The following ALPK1 variants were observed in gnomAD, a reference collection of about 807,000 sequenced individuals.
ALPK1 encodes the protein alpha-protein kinase 1.
In ALPK1, 110 loss-of-function variants were observed where a neutral mutation model predicts 120.6. That is an observed-to-expected ratio of 0.91 (90% CI 0.78 to 1.07). The LOEUF is 1.07. ALPK1 is among the 50% of genes least tolerant of loss of function. The pLI, the probability that ALPK1 is intolerant of heterozygous loss-of-function variation, is 0.00. For missense variants in ALPK1, 1,498 were observed against 1,483.9 expected (o/e 1.01, Z -0.16); for synonymous variants, 582 against 560.3 (o/e 1.04, Z -0.55).
intron 4 of ALPK1, among the ~76,000 whole-genome samples, chr4:112,390,876 G>C (rs1732383666): frequency 6.6e-6 from 1 of 152,176 alleles, no homozygotes; most frequent in South Asian, 2.1e-4. Context: ...ATAAATTGGA[G>C]TGGGGAGATC....
chr4:112,411,813 C>T lies in ALPK1; in HGVS notation c.277-14C>T, dbSNP rs1285016553. On this transcript the variant is annotated splice_polypyrimidine_tract_variant and intron_variant, in intron 4 of 15. Coordinates refer to ENST00000650871, the MANE Select transcript of ALPK1 (RefSeq NM_025144.4). ...TTTCCGCCTGGCTCACGATGTTCCA[C>T]GCTGTTCCTCCAGGCGTCCCTGAGG... 24 of 1,601,710 alleles carry T rather than the reference C, an allele frequency of 1.5e-5. No individual in the cohort carries two copies. Among genetic ancestry groups the T allele is most frequent in the African/African-American group, 5.4e-5 (4 of 74,496 alleles).
In ALPK1 at chr4:112,430,546, G is replaced by A; in HGVS notation, c.999G>A (p.Glu333=). The A allele has an allele frequency of 6.2e-7, 1 of 1,614,172 alleles. No homozygotes were observed. ...TGTGTGAAGCCAAAGAGGCCTTTGA[G>A]ATTGGCCTCCTCACCAAGAGAGATG... ...LHLCEAKEAF[E]IGLLTKRDDE... The change falls in exon 11 of 16, where the codon GAG becomes GAA. Residue 333 remains glutamate, a synonymous_variant. Coordinates refer to ENST00000650871, the MANE Select transcript of ALPK1 (RefSeq NM_025144.4).
At chr4:112,374,553 G>T (rs1456104148) in intron 2 of ALPK1, among the ~76,000 whole-genome samples, 1 of 152,006 alleles carries the variant, frequency 6.6e-6, no homozygotes, top group African/African-American at 2.4e-5. Flanking sequence ...TTTTCAGAAG[G>T]TCCATTAGAA....
At chr4:112,398,083 A>T (rs142592842) in intron 4 of ALPK1, among the ~76,000 whole-genome samples, 2,290 of 152,254 alleles carry the variant, frequency 0.015, 24 homozygotes, top group Admixed American at 0.028. Flanking sequence ...AGGTGACTGG[A>T]GCCCAGATCT....
intron 5 of ALPK1, among the ~76,000 whole-genome samples, chr4:112,413,193 T>C (rs1489049961): frequency 6.6e-6 from 1 of 152,160 alleles, no homozygotes; most frequent in Non-Finnish European, 1.5e-5. Context: ...GCAATGATGT[T>C]TGAGCAGCGC....
At position 112,431,404 on chromosome 4, in the gene ALPK1, T is replaced by G. The variant is rs777976261; in HGVS notation, c.1857T>G (p.Thr619=). The G allele has an allele frequency of 2.5e-6, 4 of 1,614,198 alleles. No homozygotes were observed. The highest frequency in any genetic ancestry group is 3.4e-6 in the Non-Finnish European group (4 of 1,180,036). ...CTGGCAAAGAACATCTGGTGGACAC[T>G]CAGTGTTCCACTGCCTTGTCTGAGG... is the stretch of plus-strand genomic sequence containing the variant. ...KEPGKEHLVD[T]QCSTALSEEL... The change falls in exon 11 of 16, where the codon ACT becomes ACG. Residue 619 remains threonine, a synonymous_variant. Transcript: ENST00000650871.
intron 5 of ALPK1, among the ~76,000 whole-genome samples, chr4:112,413,569 C>T (rs1733593132): frequency 6.6e-6 from 1 of 152,166 alleles, no homozygotes; most frequent in Admixed American, 6.5e-5. Flanking sequence ...TAGGCATGCG[C>T]CACCACACCC....
chr4:112,307,510 C>CTTCT (rs760267455), intron 1 of ALPK1, among the ~76,000 whole-genome samples: 4 of 151,056 alleles, frequency 2.6e-5, no homozygotes, highest in East Asian at 2.0e-4. Flanking sequence ...ATGTAATGGC[C>CTTCT]TTGTCTCTTT....
intron 5 of ALPK1, among the ~76,000 whole-genome samples, chr4:112,421,427 C>T (rs1028649251): frequency 2.0e-5 from 3 of 152,148 alleles, no homozygotes; most frequent in Admixed American, 2.0e-4. Context: ...TGTTTTACAG[C>T]CACGCCCTTG....
At chr4:112,316,417 G>A (rs901090105) in intron 2 of ALPK1, 6 of 152,222 alleles carry the variant, frequency 3.9e-5, no homozygotes, top group Admixed American at 1.3e-4. Flanking sequence ...CCATTCATCC[G>A]TTCAGTGGAC....
intron 2 of ALPK1, among the ~76,000 whole-genome samples, chr4:112,365,707 C>T (rs989526770): frequency 3.3e-5 from 5 of 152,044 alleles, no homozygotes; most frequent in South Asian, 2.1e-4. Flanking sequence ...AAAAAACAAT[C>T]CTAAAATTCA....
Position 112,441,250 on chromosome 4 carries a change from C to T in ALPK1, c.*40C>T, listed in dbSNP as rs372676906. The T allele has an allele frequency of 5.7e-5, 77 of 1,342,296 alleles. No homozygotes were observed. The highest frequency in any genetic ancestry group is 7.5e-5 in the Non-Finnish European group (70 of 932,110). 83.1% of individuals were successfully genotyped at this position (1,342,296 alleles called of 1,614,324 possible). A position where few individuals can be genotyped will look rare whatever the true frequency, so the allele number is the denominator to read the frequency against. On this transcript the variant is annotated 3_prime_UTR_variant, in exon 16 of 16. Coordinates refer to ENST00000650871, the MANE Select transcript of ALPK1 (RefSeq NM_025144.4). ...TGGTCCTTTGGGGCTTGGGCAGGGC[C>T]GTGACACAGGTTCTGGCCAATGATT... is the stretch of plus-strand genomic sequence containing the variant.
intron 2 of ALPK1, among the ~76,000 whole-genome samples, chr4:112,342,145 A>C (rs1005382220): frequency 1.3e-5 from 2 of 152,234 alleles, no homozygotes; most frequent in African/African-American, 4.8e-5. Flanking sequence ...TTTATGGCTT[A>C]GACAGTAGGC....
chr4:112,357,736 T>A, intron 2 of ALPK1: 7 of 1,383,546 alleles, frequency 5.1e-6, no homozygotes, highest in Non-Finnish European at 7.2e-6. Context: ...GTGCTTGTCC[T>A]CTTTGGGGAA....
At chr4:112,385,343 A>G (rs967773896) in intron 4 of ALPK1, among the ~76,000 whole-genome samples, 2 of 152,168 alleles carry the variant, frequency 1.3e-5, no homozygotes, top group Admixed American at 6.5e-5. Context: ...AAATTTCACA[A>G]TTGGAGAAAT....
chr4:112,377,697 G>T lies in ALPK1; in HGVS notation c.-81G>T. ...CACCAGGTACTTCGGCCTTCAAGGG[G>T]CTCCTTTATTGAGAATCAATGTCTT... is the stretch of plus-strand genomic sequence containing the variant. On this transcript the variant is annotated 5_prime_UTR_variant, in exon 3 of 16. Coordinates refer to ENST00000650871, the MANE Select transcript of ALPK1 (RefSeq NM_025144.4). 1 of 1,355,336 alleles carries T rather than the reference G, an allele frequency of 7.4e-7. No homozygotes were observed. Among genetic ancestry groups the T allele is most frequent in the Non-Finnish European group, 9.7e-7 (1 of 1,026,082 alleles). The allele number at this position is 1,355,336 out of a possible 1,614,324, so 84.0% of individuals were successfully genotyped here.
chr4:112,440,901 T>G lies in ALPK1; in HGVS notation c.3539-16T>G, dbSNP rs1469359983. ...ACAGGGAATTTAATACTCAGGTGTG[T>G]TCATTTCTCTTTTAGGTTGGGTAAC... On this transcript the variant is annotated splice_polypyrimidine_tract_variant and intron_variant, in intron 14 of 15. Transcript: ENST00000650871. The G allele has an allele frequency of 6.2e-7, 1 of 1,600,804 alleles. No homozygotes were observed. The highest frequency in any genetic ancestry group is 1.3e-5 in the African/African-American group (1 of 74,210).
intron 2 of ALPK1, among the ~76,000 whole-genome samples, chr4:112,354,769 G>A (rs185144794): frequency 6.6e-6 from 1 of 152,184 alleles, no homozygotes; most frequent in African/African-American, 2.4e-5. Flanking sequence ...TGCCTGGACT[G>A]TAAGATCAAT....
At chr4:112,357,244 C>T (rs1730675279) in intron 2 of ALPK1, 8 of 1,459,486 alleles carry the variant, frequency 5.5e-6, no homozygotes, top group Non-Finnish European at 6.6e-6. Flanking sequence ...TGGACCAGAT[C>T]ATCCAGCATC....
Sources: gnomAD v4.1 joint callset for allele counts (sites outside exome capture counted in the v4.1 genomes callset) on GRCh38, gnomAD v4.1.1 for gene constraint, MANE v1.5 for transcripts, NCBI Gene and HGNC (gene_info 2026-07-23, HGNC 2026-07-21) for gene names.